The following AUTS2 variants were observed in gnomAD, a reference collection of about 807,000 sequenced individuals.
AUTS2 encodes activator of transcription and developmental regulator AUTS2.
Under a neutral mutation model 112.4 loss-of-function variants are expected in AUTS2, and 17 were observed. The ratio of observed to expected loss-of-function variants is 0.15; its 90% confidence interval spans 0.10 to 0.23. AUTS2 has a LOEUF of 0.23. AUTS2 is among the 10% of genes least tolerant of loss of function. AUTS2 has a pLI of 1.00. For missense variants in AUTS2, 1,510 were observed against 1,701.6 expected (o/e 0.89, Z 1.98); for synonymous variants, 751 against 702.7 (o/e 1.07, Z -1.09).
chr7:70,348,715 C>T (rs546207572), intron 4 of AUTS2, among the ~76,000 whole-genome samples: 7 of 152,190 alleles, frequency 4.6e-5, no homozygotes, highest in African/African-American at 1.7e-4. Flanking sequence ...GAGGCTGAGG[C>T]AGGAGAATGG....
At chr7:70,444,373 T>TGTGTGTGTGTGTGTGAGAGAGA (rs372696006) in intron 5 of AUTS2, among the ~76,000 whole-genome samples, 15 of 142,440 alleles carry the variant, frequency 1.1e-4, no homozygotes, top group Admixed American at 8.4e-4. Flanking sequence ...TGTGTGTGTG[T>TGTGTGTGTGTGTGTGAGAGAGA]GAGAGAGAGA....
intron 4 of AUTS2, among the ~76,000 whole-genome samples, chr7:70,250,829 C>G (rs1170864270): frequency 6.6e-6 from 1 of 152,054 alleles, no homozygotes; most frequent in African/African-American, 2.4e-5. Flanking sequence ...CACACAGACA[C>G]TAGGAGGGGA....
At chr7:69,980,859 G>A (rs1479597633) in intron 2 of AUTS2, among the ~76,000 whole-genome samples, 1 of 152,158 alleles carries the variant, frequency 6.6e-6, no homozygotes, top group Non-Finnish European at 1.5e-5. Flanking sequence ...GCTCGTTTTA[G>A]AATGGTATAT....
chr7:70,458,041 G>A (rs1796815269), intron 5 of AUTS2, among the ~76,000 whole-genome samples: 1 of 152,002 alleles, frequency 6.6e-6, no homozygotes, highest in Non-Finnish European at 1.5e-5. Flanking sequence ...CCCCACAACC[G>A]CCAAATTCCC....
intron 1 of AUTS2, among the ~76,000 whole-genome samples, chr7:69,696,282 A>G (rs1797559356): frequency 6.6e-6 from 1 of 152,078 alleles, no homozygotes; most frequent in South Asian, 2.1e-4. Flanking sequence ...AAAGGCCAAG[A>G]GACTCAGCAC....
intron 1 of AUTS2, among the ~76,000 whole-genome samples, chr7:69,797,518 T>G (rs1396371756): frequency 6.6e-6 from 1 of 152,108 alleles, no homozygotes; most frequent in Non-Finnish European, 1.5e-5. Flanking sequence ...GAGTTTTAGA[T>G]ATGCAGGAAA....
At chr7:70,328,918 C>G (rs1422131856) in intron 4 of AUTS2, among the ~76,000 whole-genome samples, 1 of 152,180 alleles carries the variant, frequency 6.6e-6, no homozygotes, top group South Asian at 2.1e-4. Flanking sequence ...AGTAAAACCC[C>G]TTACCCATTA....
chr7:70,004,314 TTATATATATAA>T (rs1223748280), intron 2 of AUTS2, among the ~76,000 whole-genome samples: 1 of 134,944 alleles, frequency 7.4e-6, no homozygotes, highest in Non-Finnish European at 1.5e-5. Flanking sequence ...TGACTATATA[TTATATATATAA>T]TATATATATG....
intron 1 of AUTS2, among the ~76,000 whole-genome samples, chr7:69,679,166 C>T (rs949222901): frequency 6.6e-6 from 1 of 152,210 alleles, no homozygotes; most frequent in Admixed American, 6.5e-5. Context: ...CTGGCCAAGG[C>T]CAGAATGTTT....
rs193245069 is a variant in AUTS2, at chr7:70,304,071, C to T, written c.661-131681C>T. 4.2e-3 allele frequency among the ~76,000 whole-genome samples: 640 copies of T among 152,294 alleles called. 6 individuals carry two copies. The highest frequency in any genetic ancestry group is 0.015 in the African/African-American group (609 of 41,558). On this transcript the variant is annotated intron_variant, in intron 4 of 18. Transcript: ENST00000342771. ...TCATTCAGCCTTGCAGTTCCATGCT[C>T]ATCACCAACACTGCAGACATCTGCT...
rs774278516 is a variant in AUTS2, at chr7:70,766,319, G to A, written c.1674G>A (p.Thr558=). The part of the protein sequence containing the change: ...HAIPPTAIMP[T]PAPPMFDKYP... ...TCCCACCCACCGCCATCATGCCGACGCCAGCACCTCCCATGGTGCGTACCC... is the reference window on the plus strand; with the variant it reads ...TCCCACCCACCGCCATCATGCCGACACCAGCACCTCCCATGGTGCGTACCC... Residue 558 remains threonine (T), a synonymous_variant, in exon 9 of 19, where the codon ACG becomes ACA. Coordinates refer to ENST00000342771, the MANE Select transcript of AUTS2 (RefSeq NM_015570.4). This position sits in a 1 kb window ranked among gnomAD's most constrained non-coding sequence, Gnocchi z 4.8. The A allele has an allele frequency of 1.2e-5, 20 of 1,613,912 alleles. No individual in the cohort carries two copies. The South Asian group carries it at 1.3e-4, about 11-fold the overall frequency.
chr7:70,281,849 C>T (rs971181010), intron 4 of AUTS2, among the ~76,000 whole-genome samples: 2 of 152,156 alleles, frequency 1.3e-5, no homozygotes, highest in South Asian at 2.1e-4. Flanking sequence ...ATTTCAGGTG[C>T]GGTTTCAGTG....
chr7:69,873,468 A>G (rs1487526801), intron 1 of AUTS2, among the ~76,000 whole-genome samples: 3 of 149,654 alleles, frequency 2.0e-5, no homozygotes, highest in Non-Finnish European at 4.4e-5. Flanking sequence ...GGTTGAGAAC[A>G]CTAGCTTATC....
intron 4 of AUTS2, among the ~76,000 whole-genome samples, chr7:70,357,818 G>A (rs1792079749): frequency 6.6e-6 from 1 of 152,198 alleles, no homozygotes; most frequent in African/African-American, 2.4e-5. Flanking sequence ...GAGGTTTTGT[G>A]TGTTATATGA....
chr7:70,098,716 T>A (rs368505477), intron 2 of AUTS2, among the ~76,000 whole-genome samples: 35 of 152,042 alleles, frequency 2.3e-4, no homozygotes, highest in East Asian at 7.7e-4. Context: ...CTTTTTTTTT[T>A]TTTGAGACAG....
At chr7:70,250,106 G>A (rs1302011084) in intron 4 of AUTS2, among the ~76,000 whole-genome samples, 1 of 151,892 alleles carries the variant, frequency 6.6e-6, no homozygotes, top group Non-Finnish European at 1.5e-5. Flanking sequence ...TCCCTTCAAA[G>A]CAAGACAACT....
intron 1 of AUTS2, among the ~76,000 whole-genome samples, chr7:69,747,807 G>GTGTGTGTGTGTGTGTA (rs1787564685): frequency 6.6e-6 from 1 of 151,544 alleles, no homozygotes; most frequent in Non-Finnish European, 1.5e-5. Context: ...GTGTGTGTGT[G>GTGTGTGTGTGTGTGTA]TGTGTGTGTA....
intron 1 of AUTS2, among the ~76,000 whole-genome samples, chr7:69,741,100 G>T (rs1429177859): frequency 6.6e-6 from 1 of 152,116 alleles, no homozygotes; most frequent in Non-Finnish European, 1.5e-5. Flanking sequence ...ATCAACTCTT[G>T]ATCCACTGAG....
intron 2 of AUTS2, among the ~76,000 whole-genome samples, chr7:69,915,341 T>C (rs1795534267): frequency 6.6e-6 from 1 of 152,214 alleles, no homozygotes; most frequent in Non-Finnish European, 1.5e-5. Context: ...ATTTTGTGTA[T>C]CAGTTTTCTT....
Sources: allele counts gnomAD v4.1 joint callset (sites outside exome capture counted in the v4.1 genomes callset), GRCh38; gene constraint gnomAD v4.1.1; non-coding constraint Gnocchi (gnomAD v3.1); transcripts MANE v1.5; gene names NCBI Gene and HGNC (gene_info 2026-07-23, HGNC 2026-07-21).